ROBO2: variants seen among roughly 807,000 people sequenced by gnomAD.
ROBO2 encodes roundabout homolog 2.
ROBO2 carries 53 observed loss-of-function variants against 160.8 expected under a neutral mutation model. The observed-to-expected ratio is 0.33, with a 90% confidence interval of 0.26 to 0.41. The LOEUF (loss-of-function observed/expected upper bound fraction) is 0.41. Among genes scored for constraint, ROBO2 ranks in the 10% least tolerant of loss-of-function variants. The pLI is 1.00. For synonymous variants in ROBO2, 664 were observed against 611.7 expected, an observed-to-expected ratio of 1.09 and a Z score of -1.26; for missense variants, 1,577 against 1,722.4, an observed-to-expected ratio of 0.92 and a Z score of 1.49.
rs1553651367 is a variant in ROBO2 at position 76,834,112 on chromosome 3, T to TTCTC, written c.110-263898_110-263895dup. Among the ~76,000 whole-genome samples the TTCTC allele has an allele frequency of 6.5e-4, 94 of 145,494 alleles. 2 individuals carry two copies. The highest frequency in any genetic ancestry group is 2.3e-3 in the African/African-American group (91 of 38,860). ...TTTCTTTCTTTCTTTCTTTCTTTCT[T>TTCTC]TCTCTCTGTCTCTCCTTCCTTCTTT... On this transcript the variant is annotated intron_variant, in intron 2 of 26. Coordinates refer to the ROBO2 transcript ENST00000487694.
intron 2 of ROBO2, among the ~76,000 whole-genome samples, chr3:77,408,137 G>T (rs2076408650): frequency 6.6e-6 from 1 of 151,720 alleles, no homozygotes; most frequent in African/African-American, 2.4e-5. Context: ...TCCATGAACT[G>T]CATTTAGGTA....
chr3:76,848,005 T>C (rs1176550646), intron 2 of ROBO2, among the ~76,000 whole-genome samples: 2 of 152,156 alleles, frequency 1.3e-5, no homozygotes, highest in Admixed American at 6.6e-5. Context: ...AAAAAATGTT[T>C]AATTGCAATA....
At chr3:75,990,543 G>A (rs1307956036) in intron 2 of ROBO2, among the ~76,000 whole-genome samples, 1 of 152,180 alleles carries the variant, frequency 6.6e-6, no homozygotes, top group Non-Finnish European at 1.5e-5. Context: ...TAACAAAATG[G>A]TGATTTTTTT....
chr3:77,574,910 C>T (rs1280755298), intron 14 of ROBO2, among the ~76,000 whole-genome samples, 180 bp downstream of exon 15: 1 of 152,072 alleles, frequency 6.6e-6, no homozygotes, highest in Non-Finnish European at 1.5e-5. Flanking sequence ...AAAAAGGACA[C>T]TAATGTAATT....
chr3:76,412,228 C>A (rs1375794486), intron 2 of ROBO2, among the ~76,000 whole-genome samples: 1 of 151,894 alleles, frequency 6.6e-6, no homozygotes, highest in Non-Finnish European at 1.5e-5. Context: ...TTTACCTCCC[C>A]CTGGGTCCCT....
intron 7 of ROBO2, among the ~76,000 whole-genome samples, chr3:77,548,295 T>A (rs951478567): frequency 1.3e-5 from 2 of 152,104 alleles, no homozygotes; most frequent in African/African-American, 4.8e-5. Context: ...ACATTTTACT[T>A]CACACAAACA....
At chr3:77,312,656 C>A (rs1353338395) in intron 2 of ROBO2, among the ~76,000 whole-genome samples, 1 of 152,032 alleles carries the variant, frequency 6.6e-6, no homozygotes, top group Non-Finnish European at 1.5e-5. Flanking sequence ...CATAAAGATC[C>A]CTCTGGCAAA....
At chr3:76,102,120 A>C (rs375195470) in intron 2 of ROBO2, among the ~76,000 whole-genome samples, 164 of 152,164 alleles carry the variant, frequency 1.1e-3, no homozygotes, top group African/African-American at 3.8e-3. Flanking sequence ...AGTTCTTTTA[A>C]GTCTGGAGCT....
At chr3:77,612,264 T>G (rs79625552) in intron 21 of ROBO2, among the ~76,000 whole-genome samples, 1 of 152,230 alleles carries the variant, frequency 6.6e-6, no homozygotes, top group African/African-American at 2.4e-5. Context: ...ATAAGATGTA[T>G]ATCTGTAAAA....
intron 2 of ROBO2, among the ~76,000 whole-genome samples, chr3:77,146,850 C>G (rs62251807): frequency 6.6e-6 from 1 of 152,122 alleles, no homozygotes; most frequent in Non-Finnish European, 1.5e-5. Context: ...CGCCTGCAGT[C>G]CCAGCTACTC....
intron 2 of ROBO2, among the ~76,000 whole-genome samples, chr3:76,576,198 T>C (rs2085279451): frequency 1.3e-5 from 2 of 152,140 alleles, no homozygotes; most frequent in Admixed American, 6.6e-5. Flanking sequence ...ATGTTAACTT[T>C]TGTTGAATTT....
intron 2 of ROBO2, among the ~76,000 whole-genome samples, chr3:77,223,553 A>T (rs534779781): frequency 6.6e-6 from 1 of 152,210 alleles, no homozygotes; most frequent in Admixed American, 6.5e-5. Flanking sequence ...CAAAAGGATG[A>T]CATGATCAAA....
intron 18 of ROBO2, among the ~76,000 whole-genome samples, chr3:77,595,891 A>G (rs1381628263): frequency 6.6e-6 from 1 of 152,166 alleles, no homozygotes; most frequent in African/African-American, 2.4e-5. Context: ...TGCAATGATT[A>G]TAGATGTTCT....
intron 2 of ROBO2, among the ~76,000 whole-genome samples, chr3:77,209,936 C>T (rs1420997716): frequency 1.3e-5 from 2 of 152,122 alleles, no homozygotes; most frequent in African/African-American, 4.8e-5. Flanking sequence ...TCTTTTACAA[C>T]AGATGGAATG....
chr3:76,907,631 T>G (rs1367034941), intron 2 of ROBO2, among the ~76,000 whole-genome samples: 1 of 152,142 alleles, frequency 6.6e-6, no homozygotes, highest in African/African-American at 2.4e-5. Flanking sequence ...CATTTAACAA[T>G]TTGATAATAT....
chr3:77,181,066 C>T (rs2080738136), intron 2 of ROBO2, among the ~76,000 whole-genome samples: 1 of 152,046 alleles, frequency 6.6e-6, no homozygotes, highest in Non-Finnish European at 1.5e-5. Context: ...ACCTTCAGTG[C>T]CTAATTAAAT....
At chr3:77,392,922 T>G (rs573014727) in intron 2 of ROBO2, among the ~76,000 whole-genome samples, 205 of 152,314 alleles carry the variant, frequency 1.3e-3, no homozygotes, top group Non-Finnish European at 2.5e-3. Flanking sequence ...AAATTTGACC[T>G]TTCTTATTAT....
chr3:76,216,043 T>G (rs1216533759), intron 2 of ROBO2, among the ~76,000 whole-genome samples: 2 of 152,138 alleles, frequency 1.3e-5, no homozygotes, highest in East Asian at 3.9e-4. Context: ...ACCCAGAATT[T>G]CATATCCAGC....
At chr3:76,218,920 A>C (rs988459102) in intron 2 of ROBO2, among the ~76,000 whole-genome samples, 5 of 152,208 alleles carry the variant, frequency 3.3e-5, no homozygotes, top group African/African-American at 1.2e-4. Context: ...CTATACTACA[A>C]GGCTACAGTA....
Sources: allele counts gnomAD v4.1 joint callset (sites outside exome capture counted in the v4.1 genomes callset), GRCh38; gene constraint gnomAD v4.1.1; transcripts MANE v1.5; gene names NCBI Gene and HGNC (gene_info 2026-07-23, HGNC 2026-07-21).